NXPE2: variants seen among roughly 807,000 people sequenced by gnomAD.
The protein encoded by NXPE2 is NXPE family member 2.
In NXPE2, 34 loss-of-function variants were observed where a neutral mutation model predicts 34.4. The ratio of observed to expected loss-of-function variants is 0.99; its 90% CI spans 0.75 to 1.31. The LOEUF (loss-of-function observed/expected upper bound fraction) is 1.31, where lower values mean the gene tolerates loss of function less well. Among genes scored for constraint, NXPE2 ranks in the 40% most tolerant of loss-of-function variants. The probability of loss-of-function intolerance (pLI) is 0.00; values close to 1 mark genes in which losing one functional copy is unlikely to be tolerated. For synonymous variants in NXPE2, 235 were observed against 231.3 expected, an observed-to-expected ratio of 1.02 and a Z score of -0.15; for missense variants, 649 against 672.5, an observed-to-expected ratio of 0.97 and a Z score of 0.39.
At chr11:114,535,232 G>A in the NXPE2 span, among the ~76,000 whole-genome samples, 1 of 152,160 alleles carries the variant, frequency 6.6e-6, no homozygotes, top group African/African-American at 2.4e-5. Flanking sequence ...AGCAAATGCT[G>A]AGAGATTTTG....
At chr11:114,533,152 T>C in the NXPE2 span, among the ~76,000 whole-genome samples, 1 of 152,228 alleles carries the variant, frequency 6.6e-6, no homozygotes, top group Admixed American at 6.5e-5. Flanking sequence ...AGACTTTTTT[T>C]CCCTTCTTTT....
the NXPE2 span, among the ~76,000 whole-genome samples, chr11:114,738,712 A>T: frequency 6.6e-6 from 1 of 152,206 alleles, no homozygotes; most frequent in South Asian, 2.1e-4. Flanking sequence ...TGGTTACGTT[A>T]ACATCACTGT....
chr11:114,661,259 A>G, the NXPE2 span, among the ~76,000 whole-genome samples: 1 of 152,150 alleles, frequency 6.6e-6, no homozygotes, highest in African/African-American at 2.4e-5. Flanking sequence ...TGATTTTAAA[A>G]TTTATGTTGA....
the NXPE2 span, among the ~76,000 whole-genome samples, chr11:114,722,214 T>C: frequency 6.6e-6 from 1 of 152,204 alleles, no homozygotes; most frequent in African/African-American, 2.4e-5. Context: ...GATTAGATCA[T>C]GGGAGCAGTT....
the NXPE2 span, among the ~76,000 whole-genome samples, chr11:114,663,897 A>G: frequency 1.3e-5 from 2 of 152,154 alleles, no homozygotes; most frequent in Admixed American, 6.6e-5. Context: ...AATCACAGTG[A>G]GACACTACTA....
the NXPE2 span, chr11:114,583,760 G>A: frequency 1.7e-5 from 8 of 478,798 alleles, no homozygotes; most frequent in East Asian, 3.6e-4. Flanking sequence ...TCACCAGAGG[G>A]TGTTGTATGT....
chr11:114,534,289 A>C, the NXPE2 span, among the ~76,000 whole-genome samples: 4 of 152,270 alleles, frequency 2.6e-5, no homozygotes, highest in East Asian at 5.8e-4. Context: ...ATCTGTACAT[A>C]ACCATCATCA....
At chr11:114,605,308 A>G in the NXPE2 span, among the ~76,000 whole-genome samples, 1 of 151,814 alleles carries the variant, frequency 6.6e-6, no homozygotes, top group Non-Finnish European at 1.5e-5. Flanking sequence ...CTTGTGGGTA[A>G]CCACTCTTAC....
the NXPE2 span, among the ~76,000 whole-genome samples, chr11:114,480,637 C>G: frequency 3.3e-4 from 50 of 152,212 alleles, no homozygotes; most frequent in African/African-American, 1.1e-3. Flanking sequence ...ACCTTTCTTA[C>G]CTAAGCTAAT....
At chr11:114,580,028 A>G in the NXPE2 span, 8 of 1,010,924 alleles carry the variant, frequency 7.9e-6, no homozygotes, top group East Asian at 1.7e-4. Context: ...GTTGTGATTG[A>G]AGAATATGAA....
At chr11:114,607,675 T>C in the NXPE2 span, among the ~76,000 whole-genome samples, 1 of 151,572 alleles carries the variant, frequency 6.6e-6, no homozygotes, top group South Asian at 2.1e-4. Flanking sequence ...ATAATAAGTG[T>C]TGAGTTGCGG....
the NXPE2 span, among the ~76,000 whole-genome samples, chr11:114,770,031 G>T: frequency 6.6e-6 from 1 of 152,190 alleles, no homozygotes; most frequent in African/African-American, 2.4e-5. Context: ...CTACTTTTCT[G>T]TGGAAAGGTG....
chr11:114,779,430 C>T, the NXPE2 span, among the ~76,000 whole-genome samples: 1 of 151,682 alleles, frequency 6.6e-6, no homozygotes, highest in Non-Finnish European at 1.5e-5. Context: ...GGATGGTGGG[C>T]GAGGGAGGCC....
chr11:114,626,406 A>G, the NXPE2 span, among the ~76,000 whole-genome samples: 4 of 152,204 alleles, frequency 2.6e-5, no homozygotes, highest in Non-Finnish European at 4.4e-5. Flanking sequence ...GCACCCCCCA[A>G]CAGGGGCAGA....
At chr11:114,784,559 G>A in the NXPE2 span, among the ~76,000 whole-genome samples, 2 of 151,954 alleles carry the variant, frequency 1.3e-5, no homozygotes, top group South Asian at 2.1e-4. Context: ...CAAAGACAAC[G>A]GAGCAAGCTA....
chr11:114,523,603 C>A, the NXPE2 span, among the ~76,000 whole-genome samples: 1 of 152,036 alleles, frequency 6.6e-6, no homozygotes, highest in Non-Finnish European at 1.5e-5. Context: ...TTTGTAAAAC[C>A]AGACTTTGCT....
At chr11:114,585,262 A>C in the NXPE2 span, among the ~76,000 whole-genome samples, 2 of 151,708 alleles carry the variant, frequency 1.3e-5, no homozygotes, top group African/African-American at 2.4e-5. Context: ...GTTTTGAGAT[A>C]CTATTTTTAT....
chr11:114,798,959 A>G, the NXPE2 span, among the ~76,000 whole-genome samples: 1 of 152,216 alleles, frequency 6.6e-6, no homozygotes, highest in East Asian at 1.9e-4. Flanking sequence ...ACACTGTCGT[A>G]TAGCAGGCGT....
chr11:114,677,735 A>G (rs1368180724), upstream of NXPE2, among the ~76,000 whole-genome samples: 4 of 152,048 alleles, frequency 2.6e-5, no homozygotes, highest in Non-Finnish European at 4.4e-5. Context: ...TGAAGTATAC[A>G]CATGTATATA....
Sources: gnomAD v4.1 joint callset for allele counts (sites outside exome capture counted in the v4.1 genomes callset) on GRCh38, gnomAD v4.1.1 for gene constraint, MANE v1.5 for transcripts, NCBI Gene and HGNC (gene_info 2026-07-23, HGNC 2026-07-21) for gene names.